NLRP5: variants seen among roughly 807,000 people sequenced by gnomAD.
The protein encoded by NLRP5 is NLR family pyrin domain containing 5, also known as NACHT, LRR and PYD domains-containing protein 5.
In NLRP5, 93 loss-of-function variants were observed where a neutral mutation model predicts 113.1. The observed-to-expected ratio is 0.82, with a 90% CI of 0.70 to 0.98. NLRP5 has a LOEUF of 0.98. NLRP5 is among the 50% of genes least tolerant of loss of function. The pLI is 0.00. For missense variants in NLRP5, 1,808 were observed against 1,514.3 expected (o/e 1.19, Z -3.22); for synonymous variants, 751 against 600.7 (o/e 1.25, Z -3.66).
the NLRP5 span, among the ~76,000 whole-genome samples, chr19:55,992,631 T>C: frequency 1.1e-4 from 17 of 152,228 alleles, no homozygotes; most frequent in Non-Finnish European, 2.1e-4. Flanking sequence ...AATAAAGATT[T>C]ATTGGAACAC....
At chr19:56,059,817 G>A (rs1227803963) in intron 14 of NLRP5, among the ~76,000 whole-genome samples, 6 of 152,162 alleles carry the variant, frequency 3.9e-5, no homozygotes, top group African/African-American at 7.2e-5. Flanking sequence ...GAGCCACCAC[G>A]CCCGACTTCC....
chr19:56,002,914 CG>C (rs1981711593), intron 1 of NLRP5, among the ~76,000 whole-genome samples: 1 of 151,852 alleles, frequency 6.6e-6, no homozygotes, highest in Non-Finnish European at 1.5e-5. Flanking sequence ...TGAATAGTGC[CG>C]CTATAAACTA....
chr19:56,016,711 C>G lies in NLRP5; in HGVS notation c.565+913C>G, dbSNP rs1401239752. Reference sequence around the variant, plus strand: ...CAGATCCTCTGGTATTTCTCTGTGCCTGGCTTACTTCACTTAACATAATGT... The same window carrying G: ...CAGATCCTCTGGTATTTCTCTGTGCGTGGCTTACTTCACTTAACATAATGT... On this transcript the variant is annotated intron_variant, in intron 4 of 14. Coordinates refer to ENST00000390649, the MANE Select transcript of NLRP5 (RefSeq NM_153447.4). Among the ~76,000 whole-genome samples the G allele has an allele frequency of 3.3e-5, 5 of 152,172 alleles. No homozygotes were observed. The East Asian group carries it at 9.6e-4, about 29-fold the overall frequency.
chr19:55,989,313 T>A, the NLRP5 span, among the ~76,000 whole-genome samples: 7 of 152,212 alleles, frequency 4.6e-5, no homozygotes, highest in Non-Finnish European at 1.0e-4. Flanking sequence ...TGTAGTGCAA[T>A]GGCTGGATCT....
the NLRP5 span, among the ~76,000 whole-genome samples, chr19:55,989,246 T>C: frequency 6.6e-6 from 1 of 152,096 alleles, no homozygotes. Flanking sequence ...TACTTTTTAG[T>C]ATTTGGTGAT....
intron 11 of NLRP5, among the ~76,000 whole-genome samples, chr19:56,046,984 T>A (rs1362307607): frequency 6.6e-6 from 1 of 152,214 alleles, no homozygotes; most frequent in Non-Finnish European, 1.5e-5. Flanking sequence ...GAGGGTTGGA[T>A]CTTTCTAGGA....
intron 6 of NLRP5, among the ~76,000 whole-genome samples, chr19:56,026,531 A>G (rs1230100591): frequency 2.2e-4 from 32 of 143,226 alleles, no homozygotes; most frequent in African/African-American, 8.8e-4. Flanking sequence ...CCATCTCAAA[A>G]AAAAAAAAAA....
intron 12 of NLRP5, among the ~76,000 whole-genome samples, chr19:56,051,116 G>A (rs920412828): frequency 4.6e-5 from 7 of 152,178 alleles, no homozygotes; most frequent in African/African-American, 1.2e-4. Context: ...AGATGCAAGC[G>A]TGCATTTGAT....
At chr19:56,028,621 A>T in intron 7 of NLRP5, 112 bp downstream of exon 7, 1 of 1,051,370 alleles carries the variant, frequency 9.5e-7, no homozygotes. Context: ...TTCTTTCAGG[A>T]TGAATGGCCC....
In NLRP5 at chr19:56,061,454, C is replaced by A; in HGVS notation, c.3529C>A (p.Leu1177Ile). 1 of 1,614,020 alleles carries A rather than the reference C, an allele frequency of 6.2e-7. No homozygotes were observed. The highest frequency in any genetic ancestry group is 8.5e-7 in the Non-Finnish European group (1 of 1,179,880). The change falls in exon 15 of 15, where the codon CTC (leucine) becomes ATC (isoleucine). Residue 1177 changes from leucine to isoleucine, a missense_variant. Coordinates refer to ENST00000390649, the MANE Select transcript of NLRP5 (RefSeq NM_153447.4). Reference sequence around the variant, plus strand: ...GAAGCTGCTGGAGGAAGTGCAGCTACTCAAGCCCCGAGTCGTAATTGACGG... The same window carrying A: ...GAAGCTGCTGGAGGAAGTGCAGCTAATCAAGCCCCGAGTCGTAATTGACGG...
Position 56,032,019 on chromosome 19 carries a change from C to T in NLRP5, c.2277-592C>T, listed in dbSNP as rs796364632. 1.1e-4 allele frequency among the ~76,000 whole-genome samples: 17 copies of T among 152,178 alleles called. 1 individual carries two copies. Among genetic ancestry groups the T allele is most frequent in the African/African-American group, 3.6e-4 (15 of 41,534 alleles). On this transcript the variant is annotated intron_variant, in intron 7 of 14. Coordinates refer to ENST00000390649, the MANE Select transcript of NLRP5 (RefSeq NM_153447.4). The stretch of plus-strand genomic sequence containing the variant: ...TTTCCACAGCTGTTGCACAGTTTTA[C>T]GTTCAAGTGGGGCTGGAATTGAAGC...
intron 14 of NLRP5, 48 bp from the exon 15 acceptor site, chr19:56,061,348 G>T: frequency 6.3e-7 from 1 of 1,591,566 alleles, no homozygotes; most frequent in Non-Finnish European, 8.6e-7. Context: ...GAAGGGAGAA[G>T]AGTCGAAAGC....
At chr19:56,021,540 C>T (rs938256381) in intron 6 of NLRP5, among the ~76,000 whole-genome samples, 7 of 152,142 alleles carry the variant, frequency 4.6e-5, no homozygotes, top group African/African-American at 9.7e-5. Flanking sequence ...CTAAACTCTC[C>T]GATTCCAGAT....
intron 7 of NLRP5, among the ~76,000 whole-genome samples, chr19:56,029,218 G>A (rs1982998673): frequency 7.4e-6 from 1 of 135,214 alleles, no homozygotes; most frequent in South Asian, 2.3e-4. Flanking sequence ...GAAACATGGT[G>A]AGTGAGACTG....
intron 6 of NLRP5, among the ~76,000 whole-genome samples, chr19:56,022,454 C>G (rs60518710): frequency 4.6e-5 from 7 of 152,214 alleles, no homozygotes; most frequent in African/African-American, 1.7e-4. Flanking sequence ...GTCTTGAACT[C>G]CTGGCCTCAA....
Position 56,003,818 on chromosome 19 carries a change from C to A in NLRP5, c.165C>A (p.Asp55Glu), listed in dbSNP as rs1981747288. The A allele has an allele frequency of 1.2e-6, 2 of 1,613,964 alleles. No individual in the cohort carries two copies. The highest frequency in any genetic ancestry group is 1.7e-6 in the Non-Finnish European group (2 of 1,179,890). Residue 55 changes from aspartate (D) to glutamate (E), a missense_variant, in exon 2 of 15, where the codon GAC (aspartate) becomes GAA (glutamate). Asp to Glu is a conservative substitution (Grantham distance 45). Coordinates refer to ENST00000390649, the MANE Select transcript of NLRP5 (RefSeq NM_153447.4). Reference sequence around the variant, plus strand: ...AGCCTTGTATCAAGATGGAAGGAGACAAATCGCTCACCTTTTCCAGCTACG... The same window carrying A: ...AGCCTTGTATCAAGATGGAAGGAGAAAAATCGCTCACCTTTTCCAGCTACG...
intron 4 of NLRP5, among the ~76,000 whole-genome samples, chr19:56,019,043 G>T (rs142897528): frequency 6.6e-6 from 1 of 152,022 alleles, no homozygotes; most frequent in African/African-American, 2.4e-5. Flanking sequence ...TGATCTGCCC[G>T]CCTCGGCCTC....
the NLRP5 span, among the ~76,000 whole-genome samples, chr19:55,987,539 G>A: frequency 6.6e-6 from 1 of 152,300 alleles, no homozygotes; most frequent in East Asian, 1.9e-4. Flanking sequence ...TGACGGTGTT[G>A]TTTGTCCTGT....
intron 2 of NLRP5, 106 bp from the exon 3 acceptor site, chr19:56,008,682 T>A (rs1365053618): frequency 2.1e-6 from 2 of 942,980 alleles, no homozygotes; most frequent in Non-Finnish European, 3.3e-6. Context: ...TCCTGAGGTT[T>A]GTCTTGGTTC....
Sources: gnomAD v4.1 joint callset for allele counts (sites outside exome capture counted in the v4.1 genomes callset) on GRCh38, gnomAD v4.1.1 for gene constraint, MANE v1.5 for transcripts, NCBI Gene and HGNC (gene_info 2026-07-23, HGNC 2026-07-21) for gene names.